The following POP1 variants were observed in gnomAD, a reference collection of about 807,000 sequenced individuals.
POP1 encodes POP1 ribonuclease P/MRP subunit.
Under a neutral mutation model 102.2 loss-of-function variants are expected in POP1, and 75 were observed. The ratio of observed to expected loss-of-function variants is 0.73; its 90% CI spans 0.61 to 0.89. The LOEUF (loss-of-function observed/expected upper bound fraction) is 0.89. Ranked by LOEUF, POP1 falls within the 40% of genes least tolerant of loss-of-function variation. POP1 has a pLI of 0.00. For missense variants in POP1, 1,116 were observed against 1,267.4 expected, an observed-to-expected ratio of 0.88 and a Z score of 1.81; for synonymous variants, 436 against 464.1, an observed-to-expected ratio of 0.94 and a Z score of 0.78.
At chr8:98,140,267 G>A in intron 10 of POP1, 78 bp downstream of exon 10, 1 of 1,108,868 alleles carries the variant, frequency 9.0e-7, no homozygotes, top group Non-Finnish European at 1.4e-6. Flanking sequence ...CCTCCAACAT[G>A]TAGTATTGCT....
At chr8:98,130,279 A>G in intron 5 of POP1, 53 bp downstream of exon 5, 3 of 1,609,184 alleles carry the variant, frequency 1.9e-6, no homozygotes, top group Non-Finnish European at 2.6e-6. Context: ...CCTTTTCCAT[A>G]GAGGCCTTTA....
intron 13 of POP1, among the ~76,000 whole-genome samples, 190 bp downstream of exon 13, chr8:98,149,196 TA>T (rs925303382): frequency 6.6e-6 from 1 of 152,228 alleles, no homozygotes; most frequent in African/African-American, 2.4e-5. Context: ...GTTCTCATTA[TA>T]AGACCTGTGC....
intron 3 of POP1, 103 bp downstream of exon 3, chr8:98,127,865 C>G: frequency 3.3e-6 from 4 of 1,205,798 alleles, no homozygotes; most frequent in Non-Finnish European, 4.9e-6. Flanking sequence ...CCTCCCCTAC[C>G]TCTCCTCTCC....
chr8:98,129,064 G>C (rs544447317), intron 4 of POP1, among the ~76,000 whole-genome samples: 1 of 152,036 alleles, frequency 6.6e-6, no homozygotes, highest in African/African-American at 2.4e-5. Flanking sequence ...TTGAAATATA[G>C]GATTTGATAC....
chr8:98,130,246 T>C lies in POP1; in HGVS notation c.735+20T>C. The C allele has an allele frequency of 6.2e-7, 1 of 1,613,814 alleles. No homozygotes were observed. The highest frequency in any genetic ancestry group is 8.5e-7 in the Non-Finnish European group (1 of 1,179,840). ...CTGCAGGTGAGCTTTTCCAGTGGGC[T>C]TTTTTTGTTATTTTTGTTTGATCCT... On this transcript the variant is annotated intron_variant, in intron 5 of 15. Transcript: ENST00000401707.
At chr8:98,139,661 G>C (rs539903216) in intron 9 of POP1, among the ~76,000 whole-genome samples, 2 of 152,264 alleles carry the variant, frequency 1.3e-5, no homozygotes, top group African/African-American at 2.4e-5. Flanking sequence ...TTGAGCCTGG[G>C]AGATTGAGGC....
At chr8:98,137,680 G>C (rs1458445329) in intron 9 of POP1, among the ~76,000 whole-genome samples, 3 of 152,218 alleles carry the variant, frequency 2.0e-5, no homozygotes, top group Non-Finnish European at 4.4e-5. Flanking sequence ...CTTTCTGTGA[G>C]GATGATGTTC....
chr8:98,134,362 A>G, intron 6 of POP1, 110 bp from the exon 7 acceptor site: 2 of 1,169,304 alleles, frequency 1.7e-6, no homozygotes, highest in South Asian at 1.3e-5. Flanking sequence ...CCTCACAACC[A>G]AAACTTCACC....
chr8:98,130,840 G>A (rs1008169992), intron 5 of POP1, among the ~76,000 whole-genome samples: 1 of 152,212 alleles, frequency 6.6e-6, no homozygotes, highest in African/African-American at 2.4e-5. Context: ...TGGGAAGGAT[G>A]TTTTAAATTT....
chr8:98,157,498 G>C (rs2130638560), intron 15 of POP1, 119 bp from the exon 16 acceptor site: 1 of 1,211,278 alleles, frequency 8.3e-7, no homozygotes, highest in East Asian at 2.5e-5. Flanking sequence ...AAAAATTGTA[G>C]TTTTGATTCT....
intron 4 of POP1, among the ~76,000 whole-genome samples, chr8:98,128,776 T>C (rs1366864682): frequency 1.3e-5 from 2 of 152,070 alleles, no homozygotes; most frequent in African/African-American, 4.8e-5. Context: ...GCAAATTAGC[T>C]GGGCGTGATG....
chr8:98,135,650 A>C (rs1027841453), intron 7 of POP1, among the ~76,000 whole-genome samples: 3 of 152,068 alleles, frequency 2.0e-5, no homozygotes, highest in Non-Finnish European at 4.4e-5. Flanking sequence ...AGTGGCATAC[A>C]CTACTCAGAA....
chr8:98,157,764 G>A lies in POP1; in HGVS notation c.2568G>A (p.Leu856=), dbSNP rs1312728480. ...TCTTGGGCCACTTCCCCAGGGCCCTGGTTTGGGTCAGCCTGTCCCTGCTCA... is the reference window on the plus strand; with the variant it reads ...TCTTGGGCCACTTCCCCAGGGCCCTAGTTTGGGTCAGCCTGTCCCTGCTCA... The part of the protein sequence containing the change: ...LSILGHFPRA[L]VWVSLSLLSK... The change falls in exon 16 of 16, where the codon CTG becomes CTA. Residue 856 remains leucine (L), a synonymous_variant. Transcript: ENST00000401707. 1.2e-6 allele frequency: 2 copies of A among 1,614,202 alleles called. No individual in the cohort carries two copies. The highest frequency in any genetic ancestry group is 2.2e-5 in the South Asian group (2 of 91,080).
chr8:98,127,033 G>A (rs1003781660), intron 2 of POP1, among the ~76,000 whole-genome samples: 1 of 152,100 alleles, frequency 6.6e-6, no homozygotes, highest in Admixed American at 6.6e-5. Flanking sequence ...GAAGGAGCGG[G>A]CAGGTTTGGT....
chr8:98,134,582 TG>T lies in POP1; in HGVS notation c.936del (p.Trp312Ter). 1 of 1,614,184 alleles carries T rather than the reference TG, an allele frequency of 6.2e-7. No individual in the cohort carries two copies. Among genetic ancestry groups the T allele is most frequent in the Non-Finnish European group, 8.5e-7 (1 of 1,179,992 alleles). On this transcript the variant is annotated frameshift_variant, in exon 7 of 16. Coordinates refer to ENST00000401707, the MANE Select transcript of POP1 (RefSeq NM_001145860.2). LOFTEE classifies it high-confidence loss of function. ...REMLGPVTFI[W>X]KSQRTPGDPS... ...AATGCTTGGGCCTGTTACGTTTATC[TG>T]GAAGTCCCAGAGGACCCCGGGTGAC... is the stretch of plus-strand genomic sequence containing the variant.
intron 7 of POP1, among the ~76,000 whole-genome samples, chr8:98,136,186 T>G (rs183150092): frequency 1.6e-4 from 25 of 152,222 alleles, no homozygotes; most frequent in South Asian, 6.2e-4. Flanking sequence ...GTTCAAGTGA[T>G]TCTCCTGCCT....
At chr8:98,119,525 A>G (rs1012661601) in intron 1 of POP1, among the ~76,000 whole-genome samples, 2 of 152,224 alleles carry the variant, frequency 1.3e-5, no homozygotes, top group Non-Finnish European at 2.9e-5. Flanking sequence ...AGTGCTTATT[A>G]AAGTTTGACA....
chr8:98,122,245 C>T (rs998974106), intron 1 of POP1, among the ~76,000 whole-genome samples: 1 of 152,146 alleles, frequency 6.6e-6, no homozygotes, highest in Non-Finnish European at 1.5e-5. Flanking sequence ...GAGTGTTGAC[C>T]AATTTGGAAA....
Position 98,130,005 on chromosome 8 carries a change from G to A in POP1, c.514G>A (p.Glu172Lys). The A allele has an allele frequency of 6.2e-7, 1 of 1,613,984 alleles. No homozygotes were observed. Among genetic ancestry groups the A allele is most frequent in the Non-Finnish European group, 8.5e-7 (1 of 1,179,928 alleles). Residue 172 changes from glutamate (E) to lysine (K), a missense_variant, in exon 5 of 16, where the codon GAA becomes AAA. Physicochemically the swap from Glu to Lys is moderately conservative, Grantham distance 56 (BLOSUM62 1). Coordinates refer to ENST00000401707, the MANE Select transcript of POP1 (RefSeq NM_001145860.2). ...GGAGAAAGCCGTACATCAGAAAAAA[G>A]AACATTCAAAAAATAAATGCCATAA... ...EAEKAVHQKKEHSKNKCHKAR... is the reference protein window; with the variant it reads ...EAEKAVHQKKKHSKNKCHKAR...
Sources: gnomAD v4.1 joint callset for allele counts (sites outside exome capture counted in the v4.1 genomes callset) on GRCh38, gnomAD v4.1.1 for gene constraint, MANE v1.5 for transcripts, NCBI Gene and HGNC (gene_info 2026-07-23, HGNC 2026-07-21) for gene names.